KIF26A: variants seen among roughly 807,000 people sequenced by gnomAD.
The protein encoded by KIF26A is kinesin-like protein KIF26A.
Under a neutral mutation model 126.0 loss-of-function variants are expected in KIF26A, and 74 were observed. The ratio of observed to expected loss-of-function variants is 0.59; its 90% confidence interval spans 0.49 to 0.71. The LOEUF (loss-of-function observed/expected upper bound fraction) is 0.71, where lower values mean the gene tolerates loss of function less well. Among genes scored for constraint, KIF26A ranks in the 30% least tolerant of loss-of-function variants. The pLI, the probability that KIF26A is intolerant of heterozygous loss-of-function variation, is 0.00. For missense variants in KIF26A, 2,984 were observed against 2,763.3 expected (o/e 1.08, Z -1.79); for synonymous variants, 1,445 against 1,232.7 (o/e 1.17, Z -3.61).
intron 4 of KIF26A, among the ~76,000 whole-genome samples, chr14:104,162,110 G>A (rs998723316): frequency 6.6e-6 from 1 of 152,218 alleles, no homozygotes; most frequent in Non-Finnish European, 1.5e-5. Flanking sequence ...AAAGGAGAAA[G>A]TGCTCGTTCT....
In KIF26A at chr14:104,179,731, T is replaced by C; in HGVS notation, c.5590T>C (p.Phe1864Leu). ...CKAHVMMVTC[F>L]DISVAASAAI... ...GGCGCACGTCATGATGGTCACCTGC[T>C]TCGACATCAGCGTTGCAGCCAGTGC... Residue 1864 changes from phenylalanine (F) to leucine (L), a missense_variant, in exon 15 of 15, where the codon TTC becomes CTC. Transcript: ENST00000423312. The C allele has an allele frequency of 6.4e-7, 1 of 1,554,374 alleles. No individual in the cohort carries two copies. Among genetic ancestry groups the C allele is most frequent in the Non-Finnish European group, 8.7e-7 (1 of 1,149,532 alleles).
rs374126938 is a variant in KIF26A, at chr14:104,172,687, C to G, written c.1420+19C>G. On this transcript the variant is annotated intron_variant, in intron 7 of 14. Transcript: ENST00000423312. The stretch of plus-strand genomic sequence containing the variant: ...AGCCTGGGTAAGCACCCTTGCCCCA[C>G]CCTAGATGGGTCCTGCTGGCCACCC... 1 of 1,576,018 alleles carries G rather than the reference C, an allele frequency of 6.3e-7. No homozygotes were observed. The highest frequency in any genetic ancestry group is 1.7e-5 in the Admixed American group (1 of 59,340).
At chr14:104,139,474 G>A (rs1034711791) in intron 2 of KIF26A, among the ~76,000 whole-genome samples, 186 bp downstream of exon 2, 10 of 152,348 alleles carry the variant, frequency 6.6e-5, no homozygotes, top group Admixed American at 2.0e-4. Context: ...TGTGAGCTAG[G>A]GAGCTCAGCC....
At chr14:104,164,654 T>C in intron 4 of KIF26A, among the ~76,000 whole-genome samples, 1 of 152,132 alleles carries the variant, frequency 6.6e-6, no homozygotes, top group Non-Finnish European at 1.5e-5. Flanking sequence ...GGCGGGCCTG[T>C]ACTCTGTGTG....
intron 12 of KIF26A, 131 bp downstream of exon 12, chr14:104,178,029 A>G: frequency 3.8e-6 from 4 of 1,052,254 alleles, no homozygotes; most frequent in Non-Finnish European, 5.1e-6. Context: ...CCAGACCCAC[A>G]CAGCCGTGGA....
chr14:104,153,822 C>T (rs1458629793), intron 3 of KIF26A, among the ~76,000 whole-genome samples: 1 of 152,222 alleles, frequency 6.6e-6, no homozygotes, highest in African/African-American at 2.4e-5. Flanking sequence ...GCCACTTGGC[C>T]TCACTGCACC....
rs375249005 is a variant in KIF26A, at chr14:104,174,990, C to T, written c.2202C>T (p.Ser734=). 7.5e-5 allele frequency: 115 copies of T among 1,543,466 alleles called. No individual in the cohort carries two copies. The African/African-American group carries it at 1.4e-3, about 19-fold the overall frequency. The stretch of plus-strand genomic sequence containing the variant: ...CACTTTTCTTCCCCCAGTACGCCTC[C>T]AGCTCCTCTGGCGGGGAGAGCTCCT... ...RLRRKKAKYA[S]SSSGGESSCE... is the part of the protein sequence containing the mutation. The change falls in exon 12 of 15, where the codon TCC becomes TCT. Residue 734 remains serine, a synonymous_variant. Transcript: ENST00000423312.
intron 6 of KIF26A, among the ~76,000 whole-genome samples, 165 bp downstream of exon 6, chr14:104,172,100 G>A (rs2037964130): frequency 6.6e-6 from 1 of 152,258 alleles, no homozygotes; most frequent in African/African-American, 2.4e-5. Context: ...TCATCGTCCT[G>A]GCCAGCGTCC....
intron 4 of KIF26A, among the ~76,000 whole-genome samples, chr14:104,162,283 T>TG (rs2037840511): frequency 6.6e-6 from 1 of 152,090 alleles, no homozygotes; most frequent in Admixed American, 6.5e-5. Flanking sequence ...GGTGGAGATG[T>TG]GGGGCGAACA....
chr14:104,177,521 GA>G lies in KIF26A; in HGVS notation c.4734del (p.Gly1579ValfsTer18). On this transcript the variant is annotated frameshift_variant, in exon 12 of 15. Transcript: ENST00000423312. LOFTEE classifies it high-confidence loss of function. ...HELSASGAPG[R>X]GGSSWGSADS... ...CTGTCAGCCAGTGGAGCCCCGGGCC[GA>G]GGTGGCTCCTCGTGGGGCTCGGCGG... The G allele has an allele frequency of 6.5e-7, 1 of 1,536,258 alleles. No individual in the cohort carries two copies.
At position 104,178,546 on chromosome 14, in the gene KIF26A, C is replaced by G. The variant is rs772204878; in HGVS notation, c.5111-4C>G. The G allele has an allele frequency of 5.5e-6, 8 of 1,457,860 alleles. No homozygotes were observed. Among genetic ancestry groups the G allele is most frequent in the East Asian group, 2.6e-5 (1 of 38,720 alleles). 90.3% of individuals were successfully genotyped at this position (1,457,860 alleles called of 1,614,324 possible). On this transcript the variant is annotated splice_region_variant and splice_polypyrimidine_tract_variant and intron_variant, in intron 12 of 14. Transcript: ENST00000423312. ...TTCACCCTGTGCCCGGCTCTCCGTTCCAGGTCTGCAGCGGCGGCGCCTGAT... is the reference window on the plus strand; with the variant it reads ...TTCACCCTGTGCCCGGCTCTCCGTTGCAGGTCTGCAGCGGCGGCGCCTGAT...
chr14:104,156,144 G>A lies in KIF26A; in HGVS notation c.736-1611G>A, dbSNP rs551331358. ...TGCCCAGGGGTGCTCAACCAGACCC[G>A]GCTCTGCTCCAGGGGCTCAGGACCT... is the stretch of plus-strand genomic sequence containing the variant. On this transcript the variant is annotated intron_variant, in intron 3 of 14. Coordinates refer to ENST00000423312, the MANE Select transcript of KIF26A (RefSeq NM_015656.2). Among the ~76,000 whole-genome samples the A allele has an allele frequency of 1.3e-3, 195 of 152,322 alleles. 1 individual carries two copies. Among genetic ancestry groups the A allele is most frequent in the Middle Eastern group, 3.4e-3 (1 of 294 alleles).
Position 104,176,949 on chromosome 14 carries a change from G to C in KIF26A, c.4161G>C (p.Pro1387=). The part of the protein sequence containing the change: ...PASAPPHAVN[P]ARVGAAAVLR... The stretch of plus-strand genomic sequence containing the variant: ...CGGCCCCTCCGCATGCTGTGAACCC[G>C]GCGCGGGTCGGGGCTGCTGCTGTCC... The change falls in exon 12 of 15, where the codon CCG becomes CCC. Residue 1387 remains proline, a synonymous_variant. Transcript: ENST00000423312. 2.0e-6 allele frequency: 3 copies of C among 1,531,776 alleles called. No individual in the cohort carries two copies. The highest frequency in any genetic ancestry group is 2.6e-6 in the Non-Finnish European group (3 of 1,143,970). 94.9% of individuals were successfully genotyped at this position (1,531,776 alleles called of 1,614,324 possible). A position where few individuals can be genotyped will look rare whatever the true frequency, so the allele number is the denominator to read the frequency against.
chr14:104,173,711 G>A lies in KIF26A; in HGVS notation c.1873G>A (p.Gly625Arg), dbSNP rs753535619. 9 of 1,610,888 alleles carry A rather than the reference G, an allele frequency of 5.6e-6. No individual in the cohort carries two copies. The East Asian group carries it at 1.6e-4, about 28-fold the overall frequency. The stretch of plus-strand genomic sequence containing the variant: ...TGCTTGCCTTGTGGTTCCAGTGTCC[G>A]GAGGCCGCAGCCGCCTGCACCTCAT... ...MEKCGRGGMS[G>R]GRSRLHLIDL... The change falls in exon 10 of 15, where the codon GGA (glycine) becomes AGA (arginine). Residue 625 changes from glycine (G) to arginine (R), a missense_variant. Coordinates refer to ENST00000423312, the MANE Select transcript of KIF26A (RefSeq NM_015656.2).
chr14:104,139,053 G>T lies in KIF26A; in HGVS notation c.53G>T (p.Gly18Val). The T allele has an allele frequency of 7.3e-7, 1 of 1,371,106 alleles. No homozygotes were observed. Among genetic ancestry groups the T allele is most frequent in the Non-Finnish European group, 9.3e-7 (1 of 1,070,786 alleles). The allele number at this position is 1,371,106 out of a possible 1,614,324, so 84.9% of individuals were successfully genotyped here. A position where few individuals can be genotyped will look rare whatever the true frequency, so the allele number is the denominator to read the frequency against. ...LCAAQPAVAE[G>V]GPAREPPPLL... ...CCCCACACCCTGCAGGTGGCCGAGG[G>T]CGGCCCGGCCCGCGAGCCGCCGCCG... is the stretch of plus-strand genomic sequence containing the variant. The change falls in exon 2 of 15, where the codon GGC becomes GTC. Residue 18 changes from glycine (G) to valine (V), a missense_variant. Coordinates refer to ENST00000423312, the MANE Select transcript of KIF26A (RefSeq NM_015656.2).
intron 4 of KIF26A, among the ~76,000 whole-genome samples, chr14:104,161,910 G>A (rs1055855019): frequency 5.3e-5 from 8 of 152,200 alleles, no homozygotes; most frequent in African/African-American, 7.2e-5. Context: ...ACTGAGGGCC[G>A]CCGCTCCCTG....
At position 104,175,137 on chromosome 14, in the gene KIF26A, C is replaced by T. The variant is rs370792363; in HGVS notation, c.2349C>T (p.Ser783=). The T allele has an allele frequency of 1.2e-4, 192 of 1,607,156 alleles. No homozygotes were observed. The highest frequency in any genetic ancestry group is 3.7e-4 in the Admixed American group (22 of 59,420). The stretch of plus-strand genomic sequence containing the variant: ...GTGACCCCGATTACTCCTCCAGCAG[C>T]GAGCAGTCCTGTGACACGGTCATCT... ...LPGDPDYSSS[S]EQSCDTVIYV... is the part of the protein sequence containing the mutation. The change falls in exon 12 of 15, where the codon AGC becomes AGT. Residue 783 remains serine (S), a synonymous_variant. Coordinates refer to ENST00000423312, the MANE Select transcript of KIF26A (RefSeq NM_015656.2).
At chr14:104,149,239 C>A (rs1338580781) in intron 2 of KIF26A, among the ~76,000 whole-genome samples, 1 of 151,862 alleles carries the variant, frequency 6.6e-6, no homozygotes, top group Non-Finnish European at 1.5e-5. Flanking sequence ...CCTCTCAGTG[C>A]CCCCCATGGA....
At position 104,166,408 on chromosome 14, in the gene KIF26A, T is replaced by C. The variant is rs1325376434; in HGVS notation, c.924-451T>C. ...GTCACCTCATCCGACTTTGGAGATG[T>C]AGAAACTGAGGCATAGGCAGGCCAG... is the stretch of plus-strand genomic sequence containing the variant. On this transcript the variant is annotated intron_variant, in intron 4 of 14. Transcript: ENST00000423312. 8.5e-5 allele frequency among the ~76,000 whole-genome samples: 13 copies of C among 152,232 alleles called. No individual in the cohort carries two copies. In the East Asian group the frequency reaches 2.3e-3, roughly 27 times the overall value.
Sources: gnomAD v4.1 joint callset for allele counts (sites outside exome capture counted in the v4.1 genomes callset) on GRCh38, gnomAD v4.1.1 for gene constraint, MANE v1.5 for transcripts, NCBI Gene and HGNC (gene_info 2026-07-23, HGNC 2026-07-21) for gene names.